Variants in ANGPT1 observed in about 807,000 individuals in gnomAD.
ANGPT1 encodes angiopoietin 1, also known as angiopoietin-1.
In ANGPT1, 17 loss-of-function variants were observed where a neutral mutation model predicts 62.2. The observed-to-expected ratio is 0.27, with a 90% CI of 0.19 to 0.41. The LOEUF (loss-of-function observed/expected upper bound fraction) is 0.41. Ranked by LOEUF, ANGPT1 falls within the 10% of genes least tolerant of loss-of-function variation. The pLI, the probability that ANGPT1 is intolerant of heterozygous loss-of-function variation, is 1.00. For synonymous variants in ANGPT1, 199 were observed against 198.9 expected, an observed-to-expected ratio of 1.00 and a Z score of 0.00; for missense variants, 478 against 594.9, an observed-to-expected ratio of 0.80 and a Z score of 2.04.
chr8:107,354,571 T>A, intron 1 of ANGPT1, among the ~76,000 whole-genome samples: 1 of 152,304 alleles, frequency 6.6e-6, no homozygotes, highest in Non-Finnish European at 1.5e-5. Flanking sequence ...AAAATTGAAA[T>A]CTGAATGTAT....
At chr8:107,437,840 A>G (rs75991197) in intron 1 of ANGPT1, among the ~76,000 whole-genome samples, 4,247 of 152,262 alleles carry the variant, frequency 0.028, 76 homozygotes, top group Non-Finnish European at 0.044. Flanking sequence ...AAAAGAAAAA[A>G]AAAACTTTAG....
intron 7 of ANGPT1, among the ~76,000 whole-genome samples, chr8:107,275,003 G>A (rs1413770096): frequency 1.3e-5 from 2 of 152,002 alleles, no homozygotes; most frequent in Admixed American, 1.3e-4. Flanking sequence ...ACCCAATCAA[G>A]GACGAAGAGC....
intron 1 of ANGPT1, among the ~76,000 whole-genome samples, chr8:107,416,312 C>G (rs1810742556): frequency 6.6e-6 from 1 of 152,180 alleles, no homozygotes; most frequent in African/African-American, 2.4e-5. Flanking sequence ...TAGAGCAGCT[C>G]ATAAAATTCA....
At chr8:107,414,693 T>C (rs1258479719) in intron 1 of ANGPT1, among the ~76,000 whole-genome samples, 4 of 152,150 alleles carry the variant, frequency 2.6e-5, no homozygotes, top group African/African-American at 9.7e-5. Flanking sequence ...ACATCAACCT[T>C]TGAGACCTAG....
At chr8:107,488,690 G>A (rs1167995878) in intron 1 of ANGPT1, among the ~76,000 whole-genome samples, 11 of 152,108 alleles carry the variant, frequency 7.2e-5, no homozygotes, top group Admixed American at 7.2e-4. Context: ...AAACTGAGTA[G>A]AATTAGAAAA....
At chr8:107,319,973 T>C (rs182568940) in intron 4 of ANGPT1, among the ~76,000 whole-genome samples, 1 of 152,250 alleles carries the variant, frequency 6.6e-6, no homozygotes, top group Non-Finnish European at 1.5e-5. Context: ...TGTAGTTAAA[T>C]CAAGATTCAT....
chr8:107,433,513 A>G (rs58578020), intron 1 of ANGPT1, among the ~76,000 whole-genome samples: 6,760 of 152,282 alleles, frequency 0.044, 518 homozygotes, highest in African/African-American at 0.15. Flanking sequence ...CCTGACATGA[A>G]AGATGGACAA....
chr8:107,314,826 C>T (rs1814976842), intron 4 of ANGPT1, among the ~76,000 whole-genome samples: 1 of 152,148 alleles, frequency 6.6e-6, no homozygotes, highest in Admixed American at 6.5e-5. Flanking sequence ...CTGATATATT[C>T]CATTTTTATC....
chr8:107,265,101 A>T (rs1813582273), intron 7 of ANGPT1, among the ~76,000 whole-genome samples: 1 of 151,728 alleles, frequency 6.6e-6, no homozygotes, highest in Admixed American at 6.6e-5. Context: ...TTAATATGGC[A>T]TTCTTCGAAG....
intron 7 of ANGPT1, 49 bp from the exon 8 acceptor site, chr8:107,264,400 C>G: frequency 1.9e-6 from 3 of 1,586,262 alleles, no homozygotes; most frequent in South Asian, 1.2e-5. Flanking sequence ...GACAGAATAA[C>G]AGAACCCAGA....
At chr8:107,391,067 TAGG>T (rs1816825512) in intron 1 of ANGPT1, among the ~76,000 whole-genome samples, 3 of 152,344 alleles carry the variant, frequency 2.0e-5, no homozygotes, top group Non-Finnish European at 2.9e-5. Flanking sequence ...TACCAGTTAC[TAGG>T]TACTATTGCA....
intron 3 of ANGPT1, among the ~76,000 whole-genome samples, chr8:107,323,759 C>T (rs1245835554): frequency 9.9e-5 from 15 of 151,528 alleles, no homozygotes; most frequent in African/African-American, 3.4e-4. Flanking sequence ...TTTTGTTTTG[C>T]TTTTTGTTGT....
intron 1 of ANGPT1, among the ~76,000 whole-genome samples, chr8:107,399,791 G>A (rs893385527): frequency 1.3e-5 from 2 of 152,080 alleles, no homozygotes; most frequent in African/African-American, 2.4e-5. Context: ...AGTCACACCC[G>A]CAAACACCAC....
intron 6 of ANGPT1, among the ~76,000 whole-genome samples, chr8:107,290,214 T>C (rs1814240408): frequency 1.3e-5 from 2 of 152,258 alleles, no homozygotes; most frequent in Admixed American, 1.3e-4. Flanking sequence ...ATGGAAATCT[T>C]ATGAAGCAAG....
At chr8:107,261,254 C>A (rs1343272659) in intron 8 of ANGPT1, among the ~76,000 whole-genome samples, 1 of 131,134 alleles carries the variant, frequency 7.6e-6, no homozygotes, top group African/African-American at 2.9e-5. Flanking sequence ...AAGCTCAAGA[C>A]CTACCTTGTG....
chr8:107,300,368 G>A (rs1469515573), intron 5 of ANGPT1, among the ~76,000 whole-genome samples: 1 of 151,534 alleles, frequency 6.6e-6, no homozygotes, highest in Non-Finnish European at 1.5e-5. Context: ...GTGTATGTAT[G>A]TCAGTCTGAA....
chr8:107,425,444 G>A (rs925402637), intron 1 of ANGPT1, among the ~76,000 whole-genome samples: 12 of 152,096 alleles, frequency 7.9e-5, no homozygotes, highest in African/African-American at 2.7e-4. Context: ...ATAGCTTTAT[G>A]GAAGAGCCCC....
At chr8:107,315,102 CCCATAA>C (rs1814983615) in intron 4 of ANGPT1, among the ~76,000 whole-genome samples, 1 of 152,120 alleles carries the variant, frequency 6.6e-6, no homozygotes, top group African/African-American at 2.4e-5. Flanking sequence ...GACTAGAGGA[CCCATAA>C]TAATGATCAA....
At chr8:107,275,818 C>G (rs1813850936) in intron 7 of ANGPT1, among the ~76,000 whole-genome samples, 1 of 152,126 alleles carries the variant, frequency 6.6e-6, no homozygotes, top group African/African-American at 2.4e-5. Context: ...GGAGGCAGTG[C>G]TTGCTAGCTG....
Sources: allele counts gnomAD v4.1 joint callset (sites outside exome capture counted in the v4.1 genomes callset), GRCh38; gene constraint gnomAD v4.1.1; transcripts MANE v1.5; gene names NCBI Gene and HGNC (gene_info 2026-07-23, HGNC 2026-07-21).